ALDH1L1: variants seen among roughly 807,000 people sequenced by gnomAD.
The protein encoded by ALDH1L1 is aldehyde dehydrogenase 1 family member L1, also known as cytosolic 10-formyltetrahydrofolate dehydrogenase.
ALDH1L1 carries 68 observed loss-of-function variants against 101.1 expected under a neutral mutation model. That is an observed-to-expected ratio of 0.67 (90% CI 0.55 to 0.82). The LOEUF (loss-of-function observed/expected upper bound fraction) is 0.82, where lower values mean the gene tolerates loss of function less well. Among genes scored for constraint, ALDH1L1 ranks in the 40% least tolerant of loss-of-function variants. The pLI is 0.00. For synonymous variants in ALDH1L1, 486 were observed against 470.8 expected, an observed-to-expected ratio of 1.03 and a Z score of -0.42; for missense variants, 1,087 against 1,172.7, an observed-to-expected ratio of 0.93 and a Z score of 1.07.
rs2081454283 is a variant in ALDH1L1 at position 126,180,424 on chromosome 3, G to A, written c.-24+52C>T. ...CGGAGCCCCCGGAGCTGCAGCCGGG[G>A]CAGCCTCCTTTCCGCCGGGAGTCCA... On this transcript the variant is annotated intron_variant, in intron 1 of 22. Coordinates refer to ENST00000393434, the MANE Select transcript of ALDH1L1 (RefSeq NM_012190.4). 16 of 986,420 alleles carry A rather than the reference G, an allele frequency of 1.6e-5. No homozygotes were observed. In the South Asian group the frequency reaches 5.1e-4, roughly 32 times the overall value. 61.1% of individuals were successfully genotyped at this position (986,420 alleles called of 1,614,324 possible).
At position 126,111,586 on chromosome 3, in the gene ALDH1L1, G is replaced by A. The variant is rs574865484; in HGVS notation, c.2181+1196C>T. Among the ~76,000 whole-genome samples, 4 of 152,322 alleles carry A rather than the reference G, an allele frequency of 2.6e-5. No individual in the cohort carries two copies. The South Asian group carries it at 8.3e-4, about 32-fold the overall frequency. On this transcript the variant is annotated intron_variant, in intron 19 of 22. Transcript: ENST00000393434. ...TGAGGGTCGTTATATGGCAAAAACT[G>A]TTCTAGCCCGTCCTAGAAAGTCCTT...
intron 12 of ALDH1L1, among the ~76,000 whole-genome samples, chr3:126,134,714 C>A (rs772736050): frequency 7.2e-5 from 11 of 152,238 alleles, no homozygotes; most frequent in Non-Finnish European, 1.6e-4. Flanking sequence ...ACCGCAAGGC[C>A]AAGGCAGGGT....
chr3:126,115,894 A>T (rs2108197787), intron 17 of ALDH1L1, among the ~76,000 whole-genome samples: 1 of 150,562 alleles, frequency 6.6e-6, no homozygotes, highest in South Asian at 2.1e-4. Flanking sequence ...TTCCTTTGAG[A>T]TAGAGTCACA....
At position 126,135,726 on chromosome 3, in the gene ALDH1L1, T is replaced by C. The variant is rs2108248956; in HGVS notation, c.1345-64A>G. 3.5e-6 allele frequency: 5 copies of C among 1,442,694 alleles called. No individual in the cohort carries two copies. In the East Asian group the frequency reaches 1.1e-4, roughly 31 times the overall value. The allele number at this position is 1,442,694 out of a possible 1,614,324, so 89.4% of individuals were successfully genotyped here. ...CCAGTTGCACACAGATACCCCTGCC[T>C]GCTTCCCTGGCCTCCTCCTGGGGCC... On this transcript the variant is annotated intron_variant, in intron 11 of 22. Coordinates refer to ENST00000393434, the MANE Select transcript of ALDH1L1 (RefSeq NM_012190.4).
intron 1 of ALDH1L1, among the ~76,000 whole-genome samples, chr3:126,164,275 CTTTTA>C (rs1036306715): frequency 1.1e-4 from 17 of 152,262 alleles, no homozygotes; most frequent in African/African-American, 4.1e-4. Flanking sequence ...TTTCTTTCAA[CTTTTA>C]TTTTAGAAAC....
At chr3:126,114,099 T>TA (rs950615118) in intron 18 of ALDH1L1, among the ~76,000 whole-genome samples, 4 of 152,230 alleles carry the variant, frequency 2.6e-5, no homozygotes, top group African/African-American at 9.6e-5. Flanking sequence ...TCTTTTATTT[T>TA]AAAAACACAC....
chr3:126,168,202 TTAAC>T (rs1279898848), intron 1 of ALDH1L1, among the ~76,000 whole-genome samples: 6 of 152,126 alleles, frequency 3.9e-5, no homozygotes, highest in Admixed American at 3.9e-4. Flanking sequence ...TGTTAACACA[TTAAC>T]TAAACTCAAA....
chr3:126,106,816 G>A (rs767143642), intron 21 of ALDH1L1, among the ~76,000 whole-genome samples: 5 of 152,222 alleles, frequency 3.3e-5, no homozygotes, highest in Non-Finnish European at 7.3e-5. Context: ...GCCACTCAGT[G>A]TGGGGGGTGG....
intron 14 of ALDH1L1, 180 bp downstream of exon 14, chr3:126,130,043 C>T: frequency 1.9e-6 from 1 of 518,660 alleles, no homozygotes; most frequent in South Asian, 4.7e-5. Flanking sequence ...AGATTAAATA[C>T]AATTGTCCTC....
intron 7 of ALDH1L1, 130 bp from the exon 8 acceptor site, chr3:126,150,661 T>C: frequency 9.2e-7 from 1 of 1,089,706 alleles, no homozygotes; most frequent in Non-Finnish European, 1.3e-6. Context: ...TTGAAGCGAT[T>C]CTCCTGCCTC....
chr3:126,121,127 G>A (rs537290481), intron 16 of ALDH1L1, among the ~76,000 whole-genome samples: 9 of 152,320 alleles, frequency 5.9e-5, no homozygotes, highest in South Asian at 2.1e-4. Context: ...GGGAAATGCC[G>A]TGTCAAGATG....
At chr3:126,181,105 C>T (rs1403743249), upstream of ALDH1L1, 5 of 1,132,876 alleles carry the variant, frequency 4.4e-6, no homozygotes, top group East Asian at 5.1e-5. Flanking sequence ...CCCGCCTCTC[C>T]GAGAGAAAAA....
At chr3:126,130,531 C>T (rs1436901251) in intron 13 of ALDH1L1, among the ~76,000 whole-genome samples, 2 of 152,240 alleles carry the variant, frequency 1.3e-5, no homozygotes, top group Non-Finnish European at 2.9e-5. Context: ...AAGCCTCTAG[C>T]TTTGACATTC....
rs1391761546 is a variant in ALDH1L1 at position 126,160,751 on chromosome 3, G to A, written c.127+102C>T. On this transcript the variant is annotated intron_variant, in intron 2 of 22. Transcript: ENST00000393434. ...TGGCTGCCTCCCAGCTAGAGCACAGGCCCTGCAGACTTCTGCTCCCAGACT... is the reference window on the plus strand; with the variant it reads ...TGGCTGCCTCCCAGCTAGAGCACAGACCCTGCAGACTTCTGCTCCCAGACT... 3.3e-6 allele frequency: 5 copies of A among 1,525,714 alleles called. No individual in the cohort carries two copies. In the African/African-American group the frequency reaches 5.5e-5, roughly 17 times the overall value. 94.5% of individuals were successfully genotyped at this position (1,525,714 alleles called of 1,614,324 possible).
chr3:126,110,209 T>G (rs1260158969), intron 19 of ALDH1L1, 100 bp from the exon 20 acceptor site: 2 of 1,478,284 alleles, frequency 1.4e-6, no homozygotes, highest in East Asian at 2.3e-5. Context: ...CTGGGGAAAG[T>G]CCACACTCTG....
chr3:126,161,565 G>A (rs2081052014), intron 1 of ALDH1L1, among the ~76,000 whole-genome samples: 1 of 152,196 alleles, frequency 6.6e-6, no homozygotes, highest in African/African-American at 2.4e-5. Flanking sequence ...AAAGTGGAAT[G>A]GGATTCCACT....
At chr3:126,181,046 C>T (rs2081468092), upstream of ALDH1L1, 3 of 1,563,536 alleles carry the variant, frequency 1.9e-6, no homozygotes, top group Non-Finnish European at 2.6e-6. Context: ...GGCCCCTTAG[C>T]AGCTGCGCAT....
chr3:126,146,708 T>C (rs2080692156), intron 9 of ALDH1L1, 127 bp downstream of exon 9: 2 of 992,410 alleles, frequency 2.0e-6, no homozygotes, highest in Non-Finnish European at 3.0e-6. Context: ...ACACTGGCCC[T>C]TCCTGGGTCC....
intron 9 of ALDH1L1, 117 bp from the exon 10 acceptor site, chr3:126,138,077 G>T (rs555220205): frequency 1.5e-6 from 2 of 1,315,402 alleles, no homozygotes; most frequent in Non-Finnish European, 1.0e-6. Flanking sequence ...GCACCGAGAG[G>T]TAGCCATGAG....
Sources: allele counts gnomAD v4.1 joint callset (sites outside exome capture counted in the v4.1 genomes callset), GRCh38; gene constraint gnomAD v4.1.1; transcripts MANE v1.5; gene names NCBI Gene and HGNC (gene_info 2026-07-23, HGNC 2026-07-21).